Variants in ZBTB7C observed in about 807,000 individuals in gnomAD.
ZBTB7C encodes zinc finger and BTB domain-containing protein 7C.
A neutral mutation model predicts 25.7 loss-of-function variants in ZBTB7C; 8 were observed. The ratio of observed to expected loss-of-function variants is 0.31; its 90% CI spans 0.18 to 0.56. The LOEUF is 0.56. Among genes scored for constraint, ZBTB7C ranks in the 20% least tolerant of loss-of-function variants. ZBTB7C has a pLI of 0.91. For synonymous variants in ZBTB7C, 394 were observed against 369.0 expected (o/e 1.07, Z -0.78); for missense variants, 824 against 855.2 (o/e 0.96, Z 0.46).
chr18:48,333,978 AC>A (rs1273241154), intron 2 of ZBTB7C, among the ~76,000 whole-genome samples: 2 of 151,912 alleles, frequency 1.3e-5, no homozygotes, highest in African/African-American at 2.4e-5. Flanking sequence ...ACCCACCTGC[AC>A]CTCCTGATCC....
chr18:48,179,624 G>A (rs1320582897), intron 3 of ZBTB7C, among the ~76,000 whole-genome samples: 1 of 152,156 alleles, frequency 6.6e-6, no homozygotes, highest in Non-Finnish European at 1.5e-5. Context: ...TGGGGGAGTG[G>A]TCAGAAGTCA....
At chr18:48,230,756 A>C (rs145040325) in intron 2 of ZBTB7C, among the ~76,000 whole-genome samples, 1 of 152,184 alleles carries the variant, frequency 6.6e-6, no homozygotes, top group Non-Finnish European at 1.5e-5. Flanking sequence ...ATAGAGGAAG[A>C]GTTAACAAAC....
intron 3 of ZBTB7C, among the ~76,000 whole-genome samples, chr18:48,160,027 C>G (rs1403035813): frequency 1.3e-5 from 2 of 152,248 alleles, no homozygotes; most frequent in Non-Finnish European, 2.9e-5. Flanking sequence ...GGAAAAGAGT[C>G]ACAGCATTAA....
At chr18:48,197,195 A>G (rs1330824751) in intron 2 of ZBTB7C, among the ~76,000 whole-genome samples, 1 of 152,198 alleles carries the variant, frequency 6.6e-6, no homozygotes, top group African/African-American at 2.4e-5. Flanking sequence ...ATGCTGAGCT[A>G]GTCACAGAAA....
At chr18:48,252,152 A>G (rs1272416246) in intron 2 of ZBTB7C, 1 of 152,248 alleles carries the variant, frequency 6.6e-6, no homozygotes. Context: ...TGAAAAAAGC[A>G]GCACTTACTA....
chr18:48,190,058 G>A (rs1189706004), intron 2 of ZBTB7C, among the ~76,000 whole-genome samples: 3 of 152,170 alleles, frequency 2.0e-5, no homozygotes, highest in Non-Finnish European at 4.4e-5. Context: ...TGTTGGCCAA[G>A]GCTTTTCCTG....
intron 2 of ZBTB7C, among the ~76,000 whole-genome samples, chr18:48,268,186 G>A (rs1461747304): frequency 5.9e-5 from 9 of 152,148 alleles, no homozygotes; most frequent in Non-Finnish European, 1.3e-4. Flanking sequence ...AAGTCCAACG[G>A]CACGCTTTTC....
At chr18:48,405,567 T>C (rs1444831095) in intron 1 of ZBTB7C, among the ~76,000 whole-genome samples, 1 of 152,228 alleles carries the variant, frequency 6.6e-6, no homozygotes, top group African/African-American at 2.4e-5. Flanking sequence ...AGAAAATCCT[T>C]GTAACCCATC....
rs1211139708 is a variant in ZBTB7C, at chr18:48,320,760, G to T, written c.-79+17414C>A. 3.3e-5 allele frequency among the ~76,000 whole-genome samples: 5 copies of T among 152,232 alleles called. No homozygotes were observed. In the East Asian group the frequency reaches 9.6e-4, roughly 29 times the overall value. On this transcript the variant is annotated intron_variant, in intron 2 of 4. Coordinates refer to ENST00000590800, the MANE Select transcript of ZBTB7C (RefSeq NM_001318841.2). ...AGCTGCAGGAAGTGCACTGGCAGCT[G>T]CGGCCCTGCTTCTCAGACCCCGGCT...
intron 3 of ZBTB7C, among the ~76,000 whole-genome samples, chr18:48,157,478 T>G (rs2040873852): frequency 6.6e-6 from 1 of 152,180 alleles, no homozygotes; most frequent in Non-Finnish European, 1.5e-5. Context: ...TGCGGAGCCC[T>G]TCACACTTCT....
At chr18:48,255,619 C>T (rs1330565430) in intron 2 of ZBTB7C, among the ~76,000 whole-genome samples, 1 of 149,098 alleles carries the variant, frequency 6.7e-6, no homozygotes, top group East Asian at 1.9e-4. Flanking sequence ...CTGCTTTAAT[C>T]TTTACAAGAA....
intron 2 of ZBTB7C, among the ~76,000 whole-genome samples, chr18:48,327,996 CAGG>C (rs1321896029): frequency 6.6e-6 from 1 of 151,824 alleles, no homozygotes; most frequent in East Asian, 1.9e-4. Flanking sequence ...ATCACGAGGT[CAGG>C]AGATCGAGAC....
At chr18:48,082,469 G>C (rs2038027531) in intron 3 of ZBTB7C, among the ~76,000 whole-genome samples, 1 of 152,110 alleles carries the variant, frequency 6.6e-6, no homozygotes, top group African/African-American at 2.4e-5. Context: ...GGGAAGCAAC[G>C]GGCTCAAAGC....
intron 2 of ZBTB7C, among the ~76,000 whole-genome samples, chr18:48,307,613 G>A (rs537309037): frequency 4.8e-4 from 73 of 152,350 alleles, no homozygotes; most frequent in African/African-American, 1.8e-3. Flanking sequence ...ACTTTGGGAA[G>A]CCAAGGTGGG....
chr18:48,099,087 C>G lies in ZBTB7C; in HGVS notation c.-16-57964G>C, dbSNP rs960099738. 7.9e-5 allele frequency among the ~76,000 whole-genome samples: 12 copies of G among 152,300 alleles called. 1 individual carries two copies. In the South Asian group the frequency reaches 2.5e-3, roughly 32 times the overall value. ...ATGGGTTGATTCTCATTTGCATCCC[C>G]CAAATTCTAAGTATTACACTATTAC... On this transcript the variant is annotated intron_variant, in intron 3 of 4. Transcript: ENST00000590800.
intron 1 of ZBTB7C, among the ~76,000 whole-genome samples, chr18:48,408,935 C>T (rs1313783973): frequency 6.6e-6 from 1 of 151,066 alleles, no homozygotes; most frequent in African/African-American, 2.4e-5. Flanking sequence ...CCCTCCCTCC[C>T]TCCTCCCGCC....
chr18:48,049,650 G>T (rs1486604960), intron 3 of ZBTB7C, among the ~76,000 whole-genome samples: 1 of 152,106 alleles, frequency 6.6e-6, no homozygotes, highest in Non-Finnish European at 1.5e-5. Flanking sequence ...TCATTCTTCT[G>T]CTGGTATTAT....
chr18:48,086,793 G>T (rs1278283570), intron 3 of ZBTB7C, among the ~76,000 whole-genome samples: 3 of 152,088 alleles, frequency 2.0e-5, no homozygotes, highest in African/African-American at 7.2e-5. Flanking sequence ...TGTGCAACAG[G>T]CTTTAAACTT....
At chr18:48,057,064 A>C (rs1332191615) in intron 3 of ZBTB7C, among the ~76,000 whole-genome samples, 1 of 151,208 alleles carries the variant, frequency 6.6e-6, no homozygotes, top group Non-Finnish European at 1.5e-5. Context: ...AAAAAAAAAA[A>C]AAAAAACCAA....
Sources: allele counts gnomAD v4.1 joint callset (sites outside exome capture counted in the v4.1 genomes callset), GRCh38; gene constraint gnomAD v4.1.1; transcripts MANE v1.5; gene names NCBI Gene and HGNC (gene_info 2026-07-23, HGNC 2026-07-21).